Variants in RPS6KC1 observed in about 807,000 individuals in gnomAD.
RPS6KC1 encodes the protein inactive ribosomal protein S6 kinase delta-1.
RPS6KC1 carries 54 observed loss-of-function variants against 103.8 expected under a neutral mutation model. The observed-to-expected ratio is 0.52, with a 90% CI of 0.42 to 0.65. RPS6KC1 has a LOEUF of 0.65. Among genes scored for constraint, RPS6KC1 ranks in the 30% least tolerant of loss-of-function variants. The pLI, the probability that RPS6KC1 is intolerant of heterozygous loss-of-function variation, is 0.00. For synonymous variants in RPS6KC1, 439 were observed against 438.7 expected, an observed-to-expected ratio of 1.00 and a Z score of -0.01; for missense variants, 1,151 against 1,253.8, an observed-to-expected ratio of 0.92 and a Z score of 1.24.
chr1:213,780,578 C>T, the RPS6KC1 span, among the ~76,000 whole-genome samples: 1 of 152,188 alleles, frequency 6.6e-6, no homozygotes, highest in Non-Finnish European at 1.5e-5. Flanking sequence ...TTCTTATAGG[C>T]TATTTTGAGT....
chr1:213,719,709 C>T, the RPS6KC1 span, among the ~76,000 whole-genome samples: 4 of 152,114 alleles, frequency 2.6e-5, no homozygotes, highest in African/African-American at 9.7e-5. Flanking sequence ...TGCCAGTGAT[C>T]CCCATTGGCC....
chr1:213,359,285 G>T, the RPS6KC1 span, among the ~76,000 whole-genome samples: 1 of 152,180 alleles, frequency 6.6e-6, no homozygotes, highest in Non-Finnish European at 1.5e-5. Context: ...TCTTCTTGTT[G>T]AATTGATCCC....
chr1:213,379,542 A>G, the RPS6KC1 span, among the ~76,000 whole-genome samples: 1 of 152,184 alleles, frequency 6.6e-6, no homozygotes, highest in Non-Finnish European at 1.5e-5. Flanking sequence ...CACCATGATC[A>G]TGGACTTCCA....
At chr1:213,763,753 A>G in the RPS6KC1 span, among the ~76,000 whole-genome samples, 3 of 152,228 alleles carry the variant, frequency 2.0e-5, no homozygotes. Context: ...CCATAGAATT[A>G]CAAATGTCTT....
intron 3 of RPS6KC1, among the ~76,000 whole-genome samples, chr1:213,079,438 A>G (rs975473413): frequency 6.6e-6 from 1 of 152,196 alleles, no homozygotes; most frequent in Non-Finnish European, 1.5e-5. Context: ...TTATTTTTTG[A>G]GACAGAGTAT....
the RPS6KC1 span, among the ~76,000 whole-genome samples, chr1:213,801,178 A>G: frequency 6.6e-6 from 1 of 152,192 alleles, no homozygotes; most frequent in Non-Finnish European, 1.5e-5. Flanking sequence ...ATGCAGCCCC[A>G]TCTGCATGGA....
At chr1:213,707,020 T>G in the RPS6KC1 span, among the ~76,000 whole-genome samples, 1 of 152,204 alleles carries the variant, frequency 6.6e-6, no homozygotes, top group African/African-American at 2.4e-5. Context: ...TGTGTATATG[T>G]GTCTTTATAG....
At chr1:213,118,920 T>C (rs2084023813) in intron 5 of RPS6KC1, among the ~76,000 whole-genome samples, 1 of 152,062 alleles carries the variant, frequency 6.6e-6, no homozygotes, top group Non-Finnish European at 1.5e-5. Context: ...TGGTAAAATA[T>C]CTGTTCTTTG....
At chr1:213,171,270 A>G (rs1457133533) in intron 7 of RPS6KC1, among the ~76,000 whole-genome samples, 1 of 152,032 alleles carries the variant, frequency 6.6e-6, no homozygotes, top group African/African-American at 2.4e-5. Context: ...AAGAAAATTT[A>G]GGAGCAGGTT....
At chr1:213,578,908 T>C in the RPS6KC1 span, among the ~76,000 whole-genome samples, 4 of 152,042 alleles carry the variant, frequency 2.6e-5, no homozygotes. Context: ...ATGATTGGTT[T>C]TGATATGAGA....
the RPS6KC1 span, among the ~76,000 whole-genome samples, chr1:213,423,449 C>T: frequency 6.6e-6 from 1 of 152,190 alleles, no homozygotes; most frequent in African/African-American, 2.4e-5. Context: ...GGATCTGAGG[C>T]TTTCTTCTCA....
At chr1:213,739,853 T>C in the RPS6KC1 span, among the ~76,000 whole-genome samples, 1 of 152,152 alleles carries the variant, frequency 6.6e-6, no homozygotes, top group Non-Finnish European at 1.5e-5. Flanking sequence ...CGTGCTCTAT[T>C]GTAAGATGTT....
chr1:213,811,957 C>G, the RPS6KC1 span, among the ~76,000 whole-genome samples: 1 of 152,118 alleles, frequency 6.6e-6, no homozygotes, highest in Non-Finnish European at 1.5e-5. Flanking sequence ...ATTCTTGACT[C>G]CAAACAACTT....
the RPS6KC1 span, among the ~76,000 whole-genome samples, chr1:213,683,950 G>C: frequency 6.6e-6 from 1 of 152,160 alleles, no homozygotes; most frequent in Admixed American, 6.5e-5. Context: ...ATAACAAAGA[G>C]CCCTCTTCCC....
intron 12 of RPS6KC1, among the ~76,000 whole-genome samples, chr1:213,256,985 T>C (rs888651354): frequency 1.2e-4 from 18 of 152,236 alleles, no homozygotes; most frequent in African/African-American, 4.3e-4. Flanking sequence ...TGAAGTCTTT[T>C]TATCTTGCAA....
the RPS6KC1 span, among the ~76,000 whole-genome samples, chr1:213,488,806 C>T: frequency 0.12 from 17,537 of 152,234 alleles, 1,283 homozygotes; most frequent in African/African-American, 0.21. Context: ...TTGAGTTTGG[C>T]TGTGGCTGCT....
At chr1:213,742,323 G>A in the RPS6KC1 span, among the ~76,000 whole-genome samples, 5 of 152,276 alleles carry the variant, frequency 3.3e-5, no homozygotes, top group African/African-American at 4.8e-5. Context: ...AGCTCTGGTC[G>A]GCTAATGTGG....
the RPS6KC1 span, among the ~76,000 whole-genome samples, chr1:213,540,653 A>C: frequency 6.6e-6 from 1 of 152,214 alleles, no homozygotes. Flanking sequence ...GTCTGGTCAC[A>C]GTTTTTAAAA....
the RPS6KC1 span, among the ~76,000 whole-genome samples, chr1:213,645,180 C>T: frequency 6.6e-6 from 1 of 152,102 alleles, no homozygotes; most frequent in Non-Finnish European, 1.5e-5. Context: ...GTGATGAGCA[C>T]AGACTGAAGA....
Sources: gnomAD v4.1 joint callset for allele counts (sites outside exome capture counted in the v4.1 genomes callset) on GRCh38, gnomAD v4.1.1 for gene constraint, MANE v1.5 for transcripts, NCBI Gene and HGNC (gene_info 2026-07-23, HGNC 2026-07-21) for gene names.